The following COL10A1 variants were observed in gnomAD, a reference collection of about 807,000 sequenced individuals.
The protein encoded by COL10A1 is collagen alpha-1(X) chain.
Under a neutral mutation model 18.2 loss-of-function variants are expected in COL10A1, and 10 were observed. The observed-to-expected ratio is 0.55, with a 90% confidence interval of 0.34 to 0.93. COL10A1 has a LOEUF of 0.93. Among genes scored for constraint, COL10A1 ranks in the 40% least tolerant of loss-of-function variants. The pLI is 0.02. For synonymous variants in COL10A1, 330 were observed against 316.6 expected (o/e 1.04, Z -0.45); for missense variants, 897 against 853.5 (o/e 1.05, Z -0.64).
intron 1 of COL10A1, among the ~76,000 whole-genome samples, chr6:116,153,769 C>T (rs1277635904): frequency 6.6e-6 from 1 of 152,106 alleles, no homozygotes; most frequent in Admixed American, 6.5e-5. Flanking sequence ...ATGTTTTATG[C>T]AATGATATGA....
chr6:116,190,577 A>G, the COL10A1 span, among the ~76,000 whole-genome samples: 4 of 152,112 alleles, frequency 2.6e-5, no homozygotes, highest in African/African-American at 9.6e-5. Flanking sequence ...ATTGAGAGGG[A>G]AAAGATGACA....
intron 1 of COL10A1, among the ~76,000 whole-genome samples, chr6:116,145,720 T>C (rs1029522291): frequency 6.6e-6 from 1 of 152,248 alleles, no homozygotes; most frequent in Non-Finnish European, 1.5e-5. Flanking sequence ...AAAAATAGTT[T>C]GTTTCATTTT....
chr6:116,143,152 G>T (rs1308681780), intron 1 of COL10A1, among the ~76,000 whole-genome samples: 1 of 151,964 alleles, frequency 6.6e-6, no homozygotes, highest in Non-Finnish European at 1.5e-5. Context: ...AACACTAAAG[G>T]AATTTTTAGA....
intron 1 of COL10A1, among the ~76,000 whole-genome samples, chr6:116,149,359 C>T (rs544201789): frequency 5.9e-5 from 9 of 152,224 alleles, no homozygotes; most frequent in African/African-American, 1.4e-4. Context: ...TCTTCCAGTA[C>T]GTATGACAGG....
chr6:116,163,126 C>CA (rs71272373), upstream of COL10A1, among the ~76,000 whole-genome samples: 5 of 84,310 alleles, frequency 5.9e-5, no homozygotes, highest in Non-Finnish European at 8.1e-5. Context: ...GACTCCGTCT[C>CA]AAAAAAAAAA....
chr6:116,162,047 G>A (rs529499672), upstream of COL10A1, among the ~76,000 whole-genome samples: 544 of 152,216 alleles, frequency 3.6e-3, 2 homozygotes, highest in African/African-American at 0.012. Context: ...TATTGTAAAT[G>A]AGATTGAGTT....
upstream of COL10A1, among the ~76,000 whole-genome samples, chr6:116,127,266 TC>T (rs1779341516): frequency 6.6e-6 from 1 of 152,148 alleles, no homozygotes; most frequent in Admixed American, 6.6e-5. Flanking sequence ...TCCCTTTCTC[TC>T]CCCTTCAAGC....
chr6:116,197,174 A>G, the COL10A1 span, among the ~76,000 whole-genome samples: 4 of 151,606 alleles, frequency 2.6e-5, no homozygotes, highest in Non-Finnish European at 4.4e-5. Flanking sequence ...CTCTCTACCT[A>G]GGGTCTGAAG....
the COL10A1 span, among the ~76,000 whole-genome samples, chr6:116,178,917 C>T: frequency 2.6e-5 from 4 of 152,182 alleles, no homozygotes; most frequent in Non-Finnish European, 1.5e-5. Flanking sequence ...TTCCAGCCCT[C>T]TAATTTTTCT....
chr6:116,135,872 T>TATATATATATATACACAC (rs368675402), intron 1 of COL10A1, among the ~76,000 whole-genome samples: 2 of 121,314 alleles, frequency 1.6e-5, no homozygotes, highest in African/African-American at 7.0e-5. Context: ...TATATATATA[T>TATATATATATATACACAC]ACACACATAC....
the COL10A1 span, among the ~76,000 whole-genome samples, chr6:116,214,891 G>A: frequency 1.3e-5 from 2 of 151,948 alleles, no homozygotes; most frequent in East Asian, 3.9e-4. Flanking sequence ...AAGATTAAAC[G>A]GTCCTTTGAA....
chr6:116,176,179 C>T, the COL10A1 span, among the ~76,000 whole-genome samples: 2 of 152,156 alleles, frequency 1.3e-5, no homozygotes, highest in Non-Finnish European at 2.9e-5. Context: ...TCTTCTAGTG[C>T]TAGAGTGTTG....
chr6:116,163,141 A>AAAAAAAT (rs761718922), upstream of COL10A1, among the ~76,000 whole-genome samples: 11,535 of 86,798 alleles, frequency 0.13, 1,317 homozygotes, highest in Middle Eastern at 0.21. Context: ...AAAAAAAAAA[A>AAAAAAAT]ATATATATAT....
chr6:116,206,460 C>T, the COL10A1 span, among the ~76,000 whole-genome samples: 1 of 152,102 alleles, frequency 6.6e-6, no homozygotes, highest in African/African-American at 2.4e-5. Flanking sequence ...TGACTCAAGA[C>T]TGTCTGATTT....
intron 1 of COL10A1, among the ~76,000 whole-genome samples, chr6:116,154,370 C>T (rs1287156907): frequency 6.6e-6 from 1 of 152,092 alleles, no homozygotes; most frequent in Non-Finnish European, 1.5e-5. Context: ...CATGGTCACC[C>T]AGTTTCCCCT....
At position 116,121,806 on chromosome 6, in the gene COL10A1, C is replaced by T; in HGVS notation, c.310G>A (p.Ala104Thr). Residue 104 changes from alanine (A) to threonine (T), a missense_variant, in exon 3 of 3, where the codon GCT becomes ACT. Ala to Thr is a moderately conservative substitution (Grantham distance 58). Coordinates refer to ENST00000651968, the MANE Select transcript of COL10A1 (RefSeq NM_000493.4). ...CCTGGCACACCTGGTTTCCCTACAG[C>T]TGATGGTCCCGGTGGTCCTGGCAAC... The part of the protein sequence containing the change: ...PGLPGPPGPS[A>T]VGKPGVPGLP... 6.2e-7 allele frequency: 1 copy of T among 1,613,970 alleles called. No individual in the cohort carries two copies. Among genetic ancestry groups the T allele is most frequent in the African/African-American group, 1.3e-5 (1 of 74,986 alleles).
intron 1 of COL10A1, among the ~76,000 whole-genome samples, chr6:116,140,665 C>T (rs1382990382): frequency 6.6e-6 from 1 of 151,984 alleles, no homozygotes; most frequent in Non-Finnish European, 1.5e-5. Context: ...GAAAGTATAC[C>T]ACTCCACATC....
intron 2 of COL10A1, among the ~76,000 whole-genome samples, chr6:116,123,319 G>A (rs754669320): frequency 2.0e-5 from 3 of 152,196 alleles, no homozygotes; most frequent in Admixed American, 6.5e-5. Context: ...TTCTCAGTGC[G>A]AGAAAGAATT....
At chr6:116,163,135 AAAAAAAAT>A (rs1780377973), upstream of COL10A1, among the ~76,000 whole-genome samples, 1 of 98,572 alleles carries the variant, frequency 1.0e-5, no homozygotes, top group Non-Finnish European at 2.0e-5. Context: ...TCAAAAAAAA[AAAAAAAAT>A]ATATATATAT....
Sources: allele counts gnomAD v4.1 joint callset (sites outside exome capture counted in the v4.1 genomes callset), GRCh38; gene constraint gnomAD v4.1.1; transcripts MANE v1.5; gene names NCBI Gene and HGNC (gene_info 2026-07-23, HGNC 2026-07-21).